SERGEF: variants seen among roughly 807,000 people sequenced by gnomAD.
SERGEF encodes secretion regulating guanine nucleotide exchange factor, also known as secretion-regulating guanine nucleotide exchange factor.
SERGEF carries 51 observed loss-of-function variants against 50.0 expected under a neutral mutation model. The ratio of observed to expected loss-of-function variants is 1.02; its 90% confidence interval spans 0.81 to 1.29. The LOEUF (loss-of-function observed/expected upper bound fraction) is 1.29. SERGEF is among the 50% of genes most tolerant of loss of function. The pLI is 0.00. For synonymous variants in SERGEF, 205 were observed against 212.4 expected, an observed-to-expected ratio of 0.97 and a Z score of 0.30; for missense variants, 521 against 557.0, an observed-to-expected ratio of 0.94 and a Z score of 0.65.
intron 9 of SERGEF, among the ~76,000 whole-genome samples, chr11:17,905,349 T>G (rs941444740): frequency 4.6e-5 from 7 of 152,238 alleles, no homozygotes. Flanking sequence ...TCTCACAGAA[T>G]AGCATAAAAG....
At chr11:17,810,529 A>G (rs1330177254) in intron 10 of SERGEF, among the ~76,000 whole-genome samples, 1 of 152,188 alleles carries the variant, frequency 6.6e-6, no homozygotes, top group Non-Finnish European at 1.5e-5. Flanking sequence ...CGAACAGAAA[A>G]CTGGGGCCTG....
chr11:17,921,664 TC>T (rs1486557099), intron 9 of SERGEF, among the ~76,000 whole-genome samples: 2 of 151,526 alleles, frequency 1.3e-5, no homozygotes, highest in African/African-American at 4.9e-5. Flanking sequence ...AGACAAAGAG[TC>T]CTCACCCCAG....
rs4757598 is a variant in SERGEF, at chr11:17,884,158, G to T, written c.1012-5914C>A. Among the ~76,000 whole-genome samples the T allele has an allele frequency of 0.14, 21,525 of 152,204 alleles. 1,982 individuals are homozygous for T. The highest frequency in any genetic ancestry group is 0.27 in the Middle Eastern group (80 of 294). ...CGAGGCCTGCTGATTGGTTCTCGCC[G>T]GGTGCCAATGAGCCCGGGCGCCTTC... On this transcript the variant is annotated intron_variant, in intron 9 of 10. Transcript: ENST00000265965. The surrounding 1 kb of genome is among the most constrained non-coding windows in gnomAD (Gnocchi z 4.6).
chr11:17,892,689 T>C (rs1851555621), intron 9 of SERGEF, among the ~76,000 whole-genome samples: 1 of 152,220 alleles, frequency 6.6e-6, no homozygotes, highest in Non-Finnish European at 1.5e-5. Flanking sequence ...TTTCCAAGTG[T>C]ATTCACTGTT....
intron 9 of SERGEF, among the ~76,000 whole-genome samples, chr11:17,909,422 G>C (rs1344582320): frequency 4.6e-5 from 7 of 152,180 alleles, no homozygotes; most frequent in Admixed American, 3.3e-4. Context: ...TGTACTCCAA[G>C]GTATGAGGAA....
At chr11:17,797,368 A>C (rs1181140251) in intron 10 of SERGEF, among the ~76,000 whole-genome samples, 1 of 152,216 alleles carries the variant, frequency 6.6e-6, no homozygotes, top group African/African-American at 2.4e-5. Context: ...TTCCTCAAAC[A>C]GTACTTGCCT....
chr11:17,974,977 C>T (rs1241977876), intron 8 of SERGEF, among the ~76,000 whole-genome samples: 1 of 152,188 alleles, frequency 6.6e-6, no homozygotes, highest in Non-Finnish European at 1.5e-5. Flanking sequence ...TGGCTAGAAG[C>T]TTCTATCAGC....
At chr11:17,963,108 G>T (rs1221392713) in intron 8 of SERGEF, among the ~76,000 whole-genome samples, 1 of 150,520 alleles carries the variant, frequency 6.6e-6, no homozygotes, top group Admixed American at 6.6e-5. Context: ...CTTGAACCTG[G>T]GAGGCAGAGG....
intron 9 of SERGEF, among the ~76,000 whole-genome samples, chr11:17,944,306 C>T (rs1019568708): frequency 3.9e-5 from 6 of 152,104 alleles, no homozygotes; most frequent in Non-Finnish European, 8.8e-5. Context: ...GTGTTTGCCA[C>T]CAAAATTGAC....
intron 10 of SERGEF, among the ~76,000 whole-genome samples, chr11:17,793,490 G>A (rs1849519293): frequency 6.6e-6 from 1 of 152,186 alleles, no homozygotes; most frequent in African/African-American, 2.4e-5. Context: ...AAGCTGGCAA[G>A]GCCCTCCAGA....
At chr11:17,926,609 G>A in intron 9 of SERGEF, 1 of 385,090 alleles carries the variant, frequency 2.6e-6, no homozygotes, top group South Asian at 1.9e-5. Flanking sequence ...CCATCACTGG[G>A]TATCTGCCTT....
At chr11:17,997,310 T>A (rs994928522) in intron 5 of SERGEF, among the ~76,000 whole-genome samples, 1 of 152,150 alleles carries the variant, frequency 6.6e-6, no homozygotes, top group Non-Finnish European at 1.5e-5. Context: ...TTGCTAACCA[T>A]CAGGGAAATG....
intron 9 of SERGEF, chr11:17,926,802 G>A (rs1418705025): frequency 2.2e-6 from 1 of 456,078 alleles, no homozygotes. Context: ...TGAGACCAGA[G>A]CTCTAGGAAT....
intron 9 of SERGEF, among the ~76,000 whole-genome samples, chr11:17,909,320 C>T (rs1188409164): frequency 2.0e-5 from 3 of 152,192 alleles, no homozygotes; most frequent in African/African-American, 7.2e-5. Flanking sequence ...TATTATTTGG[C>T]CAGAAGCTGT....
intron 8 of SERGEF, among the ~76,000 whole-genome samples, chr11:17,960,460 G>A (rs1013147937): frequency 4.6e-5 from 7 of 152,208 alleles, no homozygotes; most frequent in East Asian, 1.9e-4. Flanking sequence ...AAAATCTGAT[G>A]AGCCATAGAT....
intron 8 of SERGEF, among the ~76,000 whole-genome samples, chr11:17,965,168 C>T (rs1384574562): frequency 2.0e-5 from 3 of 152,100 alleles, no homozygotes; most frequent in East Asian, 1.9e-4. Context: ...GGGTCAGTTT[C>T]CCCCATGCTG....
intron 9 of SERGEF, among the ~76,000 whole-genome samples, chr11:17,930,045 C>T (rs543014386): frequency 5.3e-5 from 8 of 152,118 alleles, no homozygotes; most frequent in Non-Finnish European, 1.2e-4. Flanking sequence ...AGAGATATAG[C>T]GGAATAAGTG....
At chr11:17,838,897 T>C (rs936269533) in intron 10 of SERGEF, among the ~76,000 whole-genome samples, 8 of 152,200 alleles carry the variant, frequency 5.3e-5, no homozygotes, top group Admixed American at 5.2e-4. Context: ...GGCTGCCCCT[T>C]AGAAGACCAG....
chr11:17,949,156 G>C (rs1264401665), intron 9 of SERGEF, among the ~76,000 whole-genome samples: 1 of 152,156 alleles, frequency 6.6e-6, no homozygotes, highest in Non-Finnish European at 1.5e-5. Flanking sequence ...AGTGACAAGA[G>C]GAATGTTTTC....
Sources: gnomAD v4.1 joint callset for allele counts (sites outside exome capture counted in the v4.1 genomes callset) on GRCh38, gnomAD v4.1.1 for gene constraint, Gnocchi (gnomAD v3.1) non-coding constraint, MANE v1.5 for transcripts, NCBI Gene and HGNC (gene_info 2026-07-23, HGNC 2026-07-21) for gene names.